The following STIM2 variants were observed in gnomAD, a reference collection of about 807,000 sequenced individuals.
STIM2 encodes stromal interaction molecule 2.
In STIM2, 31 loss-of-function variants were observed where a neutral mutation model predicts 85.8. The observed-to-expected ratio is 0.36, with a 90% CI of 0.27 to 0.49. The LOEUF (loss-of-function observed/expected upper bound fraction) is 0.49. Ranked by LOEUF, STIM2 falls within the 20% of genes least tolerant of loss-of-function variation. The pLI is 0.98. For synonymous variants in STIM2, 356 were observed against 331.1 expected (o/e 1.08, Z -0.82); for missense variants, 841 against 927.6 (o/e 0.91, Z 1.21).
chr4:26,957,683 T>C lies in STIM2; in HGVS notation c.354T>C (p.His118=), dbSNP rs576749495. Residue 118 remains histidine (H), a synonymous_variant, in exon 3 of 12, where the codon CAT becomes CAC. Transcript: ENST00000467087. ...GCCATCTGCACAGAGAAGATAAACATATAACGATTGAGGATTTATGGAAAC... is the reference window on the plus strand; with the variant it reads ...GCCATCTGCACAGAGAAGATAAACACATAACGATTGAGGATTTATGGAAAC... The C allele has an allele frequency of 2.6e-5, 41 of 1,597,466 alleles. No individual in the cohort carries two copies. The South Asian group carries it at 4.1e-4, about 16-fold the overall frequency.
intron 3 of STIM2, among the ~76,000 whole-genome samples, chr4:26,965,080 C>A (rs1726659797): frequency 6.6e-6 from 1 of 152,152 alleles, no homozygotes; most frequent in Non-Finnish European, 1.5e-5. Context: ...TTTCCACTTT[C>A]CTACAGTGCT....
intron 1 of STIM2, among the ~76,000 whole-genome samples, chr4:26,905,101 A>C (rs922932962): frequency 6.6e-6 from 1 of 152,144 alleles, no homozygotes; most frequent in Non-Finnish European, 1.5e-5. Context: ...AAAGATAGGA[A>C]GGAGGCATTG....
chr4:26,941,678 A>G (rs778940399), intron 2 of STIM2, among the ~76,000 whole-genome samples: 4 of 151,062 alleles, frequency 2.6e-5, no homozygotes, highest in Non-Finnish European at 5.9e-5. Context: ...AATTAATGGG[A>G]TCTCCTAATT....
intron 11 of STIM2, chr4:27,019,388 C>A: frequency 7.8e-7 from 1 of 1,282,668 alleles, no homozygotes; most frequent in Non-Finnish European, 1.0e-6. Context: ...AGCTTTTCGT[C>A]TGTCTTTGCA....
In STIM2 at chr4:26,975,938, A is replaced by G. The variant is rs576807490; in HGVS notation, c.397+18212A>G. 7.9e-5 allele frequency among the ~76,000 whole-genome samples: 12 copies of G among 152,252 alleles called. No individual in the cohort carries two copies. The South Asian group carries it at 2.5e-3, about 32-fold the overall frequency. On this transcript the variant is annotated intron_variant, in intron 3 of 11. Transcript: ENST00000467087. ...AGCTACCAGGCTGCTTTGTTTACCTATTCAAGCCTCAGCAATGGCACACAC... is the reference window on the plus strand; with the variant it reads ...AGCTACCAGGCTGCTTTGTTTACCTGTTCAAGCCTCAGCAATGGCACACAC...
intron 6 of STIM2, 78 bp downstream of exon 6, chr4:27,002,472 ATACT>A: frequency 8.7e-7 from 1 of 1,144,776 alleles, no homozygotes; most frequent in East Asian, 2.4e-5. Context: ...ATGTGCTTAA[ATACT>A]TACATTTAGG....
At chr4:26,936,686 A>G (rs930265639) in intron 2 of STIM2, among the ~76,000 whole-genome samples, 13 of 152,260 alleles carry the variant, frequency 8.5e-5, no homozygotes, top group African/African-American at 3.1e-4. Flanking sequence ...CAACCTACTT[A>G]TAAACTGAGA....
chr4:26,965,124 A>G (rs1206909766), intron 3 of STIM2, among the ~76,000 whole-genome samples: 2 of 152,150 alleles, frequency 1.3e-5, no homozygotes, highest in East Asian at 3.8e-4. Context: ...TTATAGCCAC[A>G]GTGGAGGGAT....
chr4:26,928,071 C>G (rs1249032588), intron 2 of STIM2, among the ~76,000 whole-genome samples: 3 of 151,726 alleles, frequency 2.0e-5, no homozygotes, highest in African/African-American at 7.3e-5. Flanking sequence ...GCTGCGTTGC[C>G]TGGAGGGAGG....
At chr4:26,896,533 C>G (rs1308992970) in intron 1 of STIM2, among the ~76,000 whole-genome samples, 2 of 152,116 alleles carry the variant, frequency 1.3e-5, no homozygotes, top group Non-Finnish European at 2.9e-5. Flanking sequence ...CTCTTCTTGC[C>G]TGAATTTTTT....
chr4:26,962,174 C>T (rs1290538169), intron 3 of STIM2, among the ~76,000 whole-genome samples: 2 of 152,116 alleles, frequency 1.3e-5, no homozygotes, highest in East Asian at 3.8e-4. Context: ...AATAGTGAGG[C>T]ATTGGACAGA....
chr4:26,949,812 T>C (rs1725977092), intron 2 of STIM2, among the ~76,000 whole-genome samples: 1 of 152,168 alleles, frequency 6.6e-6, no homozygotes, highest in Admixed American at 6.6e-5. Context: ...CCCCCATTCA[T>C]TATCAGTGTT....
chr4:27,019,202 T>C (rs948141910), intron 11 of STIM2, among the ~76,000 whole-genome samples: 1 of 152,194 alleles, frequency 6.6e-6, no homozygotes, highest in African/African-American at 2.4e-5. Context: ...TGTGACTCTT[T>C]AGGTGACATT....
chr4:26,961,357 A>G (rs1726452354), intron 3 of STIM2, among the ~76,000 whole-genome samples: 2 of 152,178 alleles, frequency 1.3e-5, no homozygotes, highest in Non-Finnish European at 2.9e-5. Context: ...GTGAAATGAT[A>G]CCATGTTTGG....
chr4:26,945,239 C>T (rs1725774585), intron 2 of STIM2, among the ~76,000 whole-genome samples: 1 of 152,112 alleles, frequency 6.6e-6, no homozygotes, highest in South Asian at 2.1e-4. Flanking sequence ...GGATAGTGGC[C>T]TCCAGTTTCA....
chr4:26,900,621 A>C (rs1215745222), intron 1 of STIM2, among the ~76,000 whole-genome samples: 3 of 152,212 alleles, frequency 2.0e-5, no homozygotes, highest in Non-Finnish European at 4.4e-5. Context: ...TTTTAGTAAA[A>C]TCTTAATTTA....
intron 3 of STIM2, among the ~76,000 whole-genome samples, chr4:26,981,163 A>G (rs1227172843): frequency 1.3e-5 from 2 of 152,184 alleles, no homozygotes; most frequent in Non-Finnish European, 2.9e-5. Context: ...GACATCGGAC[A>G]GGACAAATAA....
rs367905727 is a variant in STIM2 at position 26,985,947 on chromosome 4, G to A, written c.398-9432G>A. Among the ~76,000 whole-genome samples the A allele has an allele frequency of 4.3e-4, 66 of 152,342 alleles. 1 individual carries two copies. The highest frequency in any genetic ancestry group is 1.5e-3 in the African/African-American group (62 of 41,582). ...CAGAATACATGTAATGTGTATGCTT[G>A]TTATATCCAAGGTCTGCCACAGCTG... is the stretch of plus-strand genomic sequence containing the variant. On this transcript the variant is annotated intron_variant, in intron 3 of 11. Coordinates refer to ENST00000467087, the MANE Select transcript of STIM2 (RefSeq NM_020860.4).
In STIM2 at chr4:27,022,812, G is replaced by A; in HGVS notation, c.2057G>A (p.Ser686Asn). The change falls in exon 12 of 12, where the codon AGT becomes AAT. Residue 686 changes from serine (S) to asparagine (N), a missense_variant. Physicochemically the swap from Ser to Asn is conservative, Grantham distance 46 (BLOSUM62 1). This residue lies in a region of STIM2 where 293 missense variants were observed against 284.5 expected (regional missense o/e 1.03). Transcript: ENST00000467087. ...TCCTGTAGCATGAACCAGCTTTCCAGTGGCATCCCGGTGCCTAAACCTCGC... is the reference window on the plus strand; with the variant it reads ...TCCTGTAGCATGAACCAGCTTTCCAATGGCATCCCGGTGCCTAAACCTCGC... 6.2e-7 allele frequency: 1 copy of A among 1,614,228 alleles called. No homozygotes were observed. The highest frequency in any genetic ancestry group is 8.5e-7 in the Non-Finnish European group (1 of 1,180,042).
Sources: allele counts gnomAD v4.1 joint callset (sites outside exome capture counted in the v4.1 genomes callset), GRCh38; gene constraint gnomAD v4.1.1; regional missense constraint gnomAD v4.1.1; transcripts MANE v1.5; gene names NCBI Gene and HGNC (gene_info 2026-07-23, HGNC 2026-07-21).